The following XRRA1 variants were observed in gnomAD, a reference collection of about 807,000 sequenced individuals.
XRRA1 encodes the protein X-ray radiation resistance-associated protein 1.
A neutral mutation model predicts 80.2 loss-of-function variants in XRRA1; 69 were observed. The ratio of observed to expected loss-of-function variants is 0.86; its 90% CI spans 0.71 to 1.05. The LOEUF (loss-of-function observed/expected upper bound fraction) is 1.05. XRRA1 is among the 50% of genes least tolerant of loss of function. The pLI is 0.00. For synonymous variants in XRRA1, 348 were observed against 389.9 expected (o/e 0.89, Z 1.27); for missense variants, 967 against 976.4 (o/e 0.99, Z 0.13).
At chr11:74,921,965 T>G (rs1591439107) in intron 7 of XRRA1, among the ~76,000 whole-genome samples, 2 of 152,076 alleles carry the variant, frequency 1.3e-5, no homozygotes, top group African/African-American at 4.8e-5. Flanking sequence ...ACAGAAAAAA[T>G]GAGCTGAATA....
chr11:74,915,556 C>T (rs557985220), intron 8 of XRRA1, among the ~76,000 whole-genome samples: 1 of 152,102 alleles, frequency 6.6e-6, no homozygotes, highest in Non-Finnish European at 1.5e-5. Flanking sequence ...AATATGGCAC[C>T]GAATTTCTAG....
intron 9 of XRRA1, among the ~76,000 whole-genome samples, 176 bp from the exon 10 acceptor site, chr11:74,906,632 G>A (rs2054662178): frequency 6.6e-6 from 1 of 152,124 alleles, no homozygotes; most frequent in African/African-American, 2.4e-5. Flanking sequence ...CTAAAATGGG[G>A]ATAATATTTA....
chr11:74,943,223 A>G (rs544511809), intron 2 of XRRA1, among the ~76,000 whole-genome samples: 1 of 152,016 alleles, frequency 6.6e-6, no homozygotes, highest in Non-Finnish European at 1.5e-5. Context: ...ATGCACACAC[A>G]TGCAAAAAAG....
chr11:74,910,422 G>A (rs952221994), intron 8 of XRRA1, among the ~76,000 whole-genome samples: 1 of 152,154 alleles, frequency 6.6e-6, no homozygotes, highest in Admixed American at 6.5e-5. Flanking sequence ...AGCCAAAGTA[G>A]CAGATTCCAG....
chr11:74,916,704 G>A (rs1039490562), intron 8 of XRRA1, among the ~76,000 whole-genome samples: 2 of 151,896 alleles, frequency 1.3e-5, no homozygotes, highest in Non-Finnish European at 2.9e-5. Flanking sequence ...ATATTTTTCT[G>A]TTTCTTTGTA....
intron 10 of XRRA1, among the ~76,000 whole-genome samples, chr11:74,889,511 C>T (rs1184855507): frequency 6.6e-6 from 1 of 152,174 alleles, no homozygotes; most frequent in Admixed American, 6.5e-5. Flanking sequence ...AGCAAAATAA[C>T]CAGCTAACAT....
At chr11:74,860,273 C>T (rs1269373054) in intron 11 of XRRA1, among the ~76,000 whole-genome samples, 10 of 152,208 alleles carry the variant, frequency 6.6e-5, no homozygotes, top group Non-Finnish European at 1.2e-4. Flanking sequence ...TCAGATGACT[C>T]GCCTCTCCCA....
Position 74,921,285 on chromosome 11 carries a change from T to C in XRRA1, c.585A>G (p.Pro195=), listed in dbSNP as rs1565408627. ...VEAICDLGIL[P]HLRVLLLTGN... is the part of the protein sequence containing the mutation. Reference sequence around the variant, plus strand: ...CTGTGAGGAGCAGGACACGGAGGTGTGGCAGAATCCCCAAATCACAGATGG... The same window carrying C: ...CTGTGAGGAGCAGGACACGGAGGTGCGGCAGAATCCCCAAATCACAGATGG... The change falls in exon 8 of 19, where the codon CCA becomes CCG. Residue 195 remains proline, a synonymous_variant. Coordinates refer to ENST00000684022, the MANE Select transcript of XRRA1 (RefSeq NM_001378157.1). 6.2e-7 allele frequency: 1 copy of C among 1,613,898 alleles called. No homozygotes were observed.
chr11:74,858,822 C>T (rs1300776468), intron 12 of XRRA1, among the ~76,000 whole-genome samples: 3 of 152,166 alleles, frequency 2.0e-5, no homozygotes, highest in Non-Finnish European at 2.9e-5. Context: ...TAAGCATGCT[C>T]ATATTGTGAT....
intron 1 of XRRA1, among the ~76,000 whole-genome samples, chr11:74,946,754 CT>C (rs199664037): frequency 0.026 from 3,709 of 141,484 alleles, 138 homozygotes; most frequent in African/African-American, 0.086. Context: ...ACCTCTTTTT[CT>C]TTTTTTTTTT....
At chr11:74,907,760 C>T (rs1453983957) in intron 8 of XRRA1, among the ~76,000 whole-genome samples, 1 of 152,124 alleles carries the variant, frequency 6.6e-6, no homozygotes, top group African/African-American at 2.4e-5. Flanking sequence ...GGGTTGAGGG[C>T]ACCACCCCTG....
At chr11:74,854,309 A>T (rs879182163) in intron 12 of XRRA1, among the ~76,000 whole-genome samples, 2 of 152,164 alleles carry the variant, frequency 1.3e-5, no homozygotes, top group Admixed American at 1.3e-4. Context: ...GGGAGACAGT[A>T]GGGAGTGAGA....
intron 3 of XRRA1, among the ~76,000 whole-genome samples, chr11:74,940,007 A>C (rs1945995504): frequency 6.6e-6 from 1 of 152,188 alleles, no homozygotes; most frequent in Non-Finnish European, 1.5e-5. Context: ...CACTCTAGAG[A>C]AGCAGAGAGG....
In XRRA1 at chr11:74,944,757, G is replaced by A. The variant is rs1036156719; in HGVS notation, c.-5+261C>T. Among the ~76,000 whole-genome samples the A allele has an allele frequency of 1.7e-3, 254 of 152,300 alleles. 1 individual carries two copies. Among genetic ancestry groups the A allele is most frequent in the African/African-American group, 5.9e-3 (244 of 41,544 alleles). On this transcript the variant is annotated intron_variant, in intron 2 of 18. Transcript: ENST00000684022. The stretch of plus-strand genomic sequence containing the variant: ...AGAGCCTACGACTCACTAAAAATAT[G>A]TTGGTAAGATTAATGGATAGATGGA...
In XRRA1 at chr11:74,940,779, C is replaced by A. The variant is rs756506144; in HGVS notation, c.94+6G>T. On this transcript the variant is annotated splice_donor_region_variant and intron_variant, in intron 3 of 18. Transcript: ENST00000684022. ...GAAAAGGTAGCTATTTGAGAAGTCA[C>A]CTGACCTTCCTCCGGCACGCGAAGC... The A allele has an allele frequency of 1.3e-6, 2 of 1,598,424 alleles. No homozygotes were observed. Among genetic ancestry groups the A allele is most frequent in the Non-Finnish European group, 1.7e-6 (2 of 1,172,380 alleles).
chr11:74,902,705 A>T (rs1273358901), intron 10 of XRRA1, among the ~76,000 whole-genome samples: 5 of 152,156 alleles, frequency 3.3e-5, no homozygotes, highest in African/African-American at 1.2e-4. Flanking sequence ...TATTTGTGGG[A>T]TCTGAAAATC....
intron 4 of XRRA1, among the ~76,000 whole-genome samples, chr11:74,934,897 G>A (rs1591572189): frequency 6.6e-6 from 1 of 152,162 alleles, no homozygotes; most frequent in South Asian, 2.1e-4. Context: ...TGAGAAGACA[G>A]GAAAGGAAGG....
At chr11:74,879,555 G>A (rs1289980524) in intron 10 of XRRA1, among the ~76,000 whole-genome samples, 2 of 152,186 alleles carry the variant, frequency 1.3e-5, no homozygotes, top group African/African-American at 4.8e-5. Context: ...TTTTCAAAGG[G>A]AATGCTTCCA....
Position 74,897,204 on chromosome 11 carries a change from T to C in XRRA1, c.1003+9035A>G, listed in dbSNP as rs140080953. On this transcript the variant is annotated intron_variant, in intron 10 of 18. Coordinates refer to ENST00000684022, the MANE Select transcript of XRRA1 (RefSeq NM_001378157.1). ...TAATTAAAAAGAATCAAGCAGAAAT[T>C]CTAGAGCTGAAAAATGTAATTGATA... Among the ~76,000 whole-genome samples the C allele has an allele frequency of 4.1e-3, 628 of 151,928 alleles. 4 individuals are homozygous for C. Among genetic ancestry groups the C allele is most frequent in the Non-Finnish European group, 4.9e-3 (331 of 67,964 alleles).
Sources: allele counts gnomAD v4.1 joint callset (sites outside exome capture counted in the v4.1 genomes callset), GRCh38; gene constraint gnomAD v4.1.1; transcripts MANE v1.5; gene names NCBI Gene and HGNC (gene_info 2026-07-23, HGNC 2026-07-21).